The following ATL1 variants were observed in gnomAD, a reference collection of about 807,000 sequenced individuals.
ATL1 encodes atlastin GTPase 1.
A neutral mutation model predicts 75.5 loss-of-function variants in ATL1; 31 were observed. That is an observed-to-expected ratio of 0.41 (90% CI 0.31 to 0.55). ATL1 has a LOEUF of 0.55. ATL1 is among the 20% of genes least tolerant of loss of function. The probability of loss-of-function intolerance (pLI) is 0.27; values close to 1 mark genes in which losing one functional copy is unlikely to be tolerated. For synonymous variants in ATL1, 226 were observed against 233.3 expected, an observed-to-expected ratio of 0.97 and a Z score of 0.28; for missense variants, 405 against 662.6, an observed-to-expected ratio of 0.61 and a Z score of 4.27.
chr14:50,550,190 G>A (rs560408704), intron 1 of ATL1, among the ~76,000 whole-genome samples: 4 of 152,212 alleles, frequency 2.6e-5, no homozygotes, highest in Non-Finnish European at 5.9e-5. Flanking sequence ...GCATAGGCAA[G>A]GCTGGAAGCT....
intron 1 of ATL1, among the ~76,000 whole-genome samples, chr14:50,579,755 C>T (rs1445463758): frequency 6.6e-6 from 1 of 152,092 alleles, no homozygotes; most frequent in Non-Finnish European, 1.5e-5. Context: ...GAGAGCTGAT[C>T]GGGTACATCT....
rs1227223382 is a variant in ATL1, at chr14:50,620,640, C to G, written c.904C>G (p.Pro302Ala). The G allele has an allele frequency of 1.2e-6, 2 of 1,613,398 alleles. No individual in the cohort carries two copies. Among genetic ancestry groups the G allele is most frequent in the Admixed American group, 1.7e-5 (1 of 60,000 alleles). Residue 302 changes from proline to alanine, a missense_variant, in exon 9 of 14, where the codon CCT (proline) becomes GCT (alanine). This residue lies in a region of ATL1 where 56 missense variants were observed against 66.6 expected (regional missense o/e 0.84). Transcript: ENST00000358385. ...CATCAAAAACTTGAAAATACTGATT[C>G]CTTGGCTACTTAGTCCCGAGAGCCT... ...EFIKNLKILIPWLLSPESLDI... is the reference protein window; with the variant it reads ...EFIKNLKILIAWLLSPESLDI...
chr14:50,592,542 T>TAAA (rs35475571), intron 4 of ATL1, among the ~76,000 whole-genome samples: 86 of 149,242 alleles, frequency 5.8e-4, no homozygotes, highest in Non-Finnish European at 1.1e-3. Context: ...GTAAAAGTCA[T>TAAA]AAAAAAAAAA....
Position 50,613,329 on chromosome 14 carries a change from A to G in ATL1, c.701A>G (p.Lys234Arg), listed in dbSNP as rs371579681. 107 of 1,613,088 alleles carry G rather than the reference A, an allele frequency of 6.6e-5. No individual in the cohort carries two copies. The highest frequency in any genetic ancestry group is 8.6e-5 in the Non-Finnish European group (102 of 1,179,608). ...EFSYGADGGAKFLEKRLKVSG... is the reference protein window; with the variant it reads ...EFSYGADGGARFLEKRLKVSG... ...TCATATGGAGCCGATGGTGGTGCCA[A>G]ATTCTTGGAAAAACGCCTCAAGGTT... Residue 234 changes from lysine (K) to arginine (R), a missense_variant, in exon 7 of 14, where the codon AAA becomes AGA. Lys to Arg is a conservative substitution (Grantham distance 26). Coordinates refer to ENST00000358385, the MANE Select transcript of ATL1 (RefSeq NM_015915.5).
At chr14:50,555,835 C>T (rs929661684), upstream of ATL1, among the ~76,000 whole-genome samples, 4 of 152,020 alleles carry the variant, frequency 2.6e-5, no homozygotes, top group Non-Finnish European at 5.9e-5. Context: ...TTTGTGTTAC[C>T]GCCAAAAGCA....
chr14:50,625,427 T>C (rs1027186272), intron 11 of ATL1, among the ~76,000 whole-genome samples: 1 of 152,228 alleles, frequency 6.6e-6, no homozygotes, highest in African/African-American at 2.4e-5. Flanking sequence ...TTGATGAAGG[T>C]GGCCACGGTA....
intron 1 of ATL1, among the ~76,000 whole-genome samples, chr14:50,544,185 C>A (rs2038599040): frequency 6.6e-6 from 1 of 152,232 alleles, no homozygotes; most frequent in African/African-American, 2.4e-5. Context: ...GCACTAAGGA[C>A]TTGGATCCTC....
At chr14:50,599,408 A>G (rs2039250825) in intron 6 of ATL1, among the ~76,000 whole-genome samples, 1 of 152,204 alleles carries the variant, frequency 6.6e-6, no homozygotes, top group African/African-American at 2.4e-5. Flanking sequence ...TAGAACATGG[A>G]GATAATACCA....
chr14:50,566,765 T>A lies in ATL1; in HGVS notation c.34+6466T>A, dbSNP rs1222099804. Among the ~76,000 whole-genome samples the A allele has an allele frequency of 2.0e-5, 3 of 152,334 alleles. No individual in the cohort carries two copies. In the Middle Eastern group the frequency reaches 0.01, roughly 518 times the overall value. ...CTCTTTTACCACTTTTTGCATGACT[T>A]TGATCTCTATGGTGTATTTTAATAA... On this transcript the variant is annotated intron_variant, in intron 1 of 13. Transcript: ENST00000358385.
chr14:50,534,829 A>G (rs897348189), intron 1 of ATL1, among the ~76,000 whole-genome samples: 1 of 152,274 alleles, frequency 6.6e-6, no homozygotes, highest in Non-Finnish European at 1.5e-5. Flanking sequence ...AATTTTAACA[A>G]GATCAGTGAA....
intron 13 of ATL1, 150 bp from the exon 14 acceptor site, chr14:50,632,079 T>A: frequency 1.8e-6 from 1 of 545,228 alleles, no homozygotes; most frequent in Non-Finnish European, 3.3e-6. Context: ...AAAATACTTT[T>A]GAATTTTAAG....
intron 6 of ATL1, among the ~76,000 whole-genome samples, chr14:50,597,367 T>C (rs1227671517): frequency 6.6e-6 from 1 of 152,054 alleles, no homozygotes; most frequent in East Asian, 1.9e-4. Context: ...CCAAAGACTA[T>C]TTACAGTAGG....
At chr14:50,601,770 TA>T (rs1242721413) in intron 6 of ATL1, among the ~76,000 whole-genome samples, 6 of 152,220 alleles carry the variant, frequency 3.9e-5, no homozygotes, top group African/African-American at 1.4e-4. Flanking sequence ...TATCTATCTA[TA>T]AAATAACTAG....
At chr14:50,593,917 T>A in intron 5 of ATL1, 21 bp downstream of exon 5, 1 of 1,580,898 alleles carries the variant, frequency 6.3e-7, no homozygotes, top group Non-Finnish European at 8.7e-7. Flanking sequence ...TTATTTTCTT[T>A]TTTGTGTATC....
In ATL1 at chr14:50,628,226, A is replaced by G; in HGVS notation, c.1315A>G (p.Lys439Glu). ...CCAATATATCAAGCACAATGATAGC[A>G]AAAATATCTTCCATGCAGCTCGTAC... is the stretch of plus-strand genomic sequence containing the variant. ...YIQYIKHNDS[K>E]NIFHAARTPA... Residue 439 changes from lysine to glutamate, a missense_variant, in exon 12 of 14, where the codon AAA becomes GAA. Lys to Glu is a moderately conservative substitution (Grantham distance 56, BLOSUM62 1). Transcript: ENST00000358385. 1 of 1,614,226 alleles carries G rather than the reference A, an allele frequency of 6.2e-7. No homozygotes were observed. Among genetic ancestry groups the G allele is most frequent in the Non-Finnish European group, 8.5e-7 (1 of 1,180,044 alleles).
chr14:50,583,229 A>G (rs890238439), intron 1 of ATL1, among the ~76,000 whole-genome samples: 5 of 152,204 alleles, frequency 3.3e-5, no homozygotes, highest in African/African-American at 7.2e-5. Context: ...TGAATGTCTA[A>G]TAAGTTAAGA....
intron 1 of ATL1, among the ~76,000 whole-genome samples, chr14:50,541,876 G>A (rs578226107): frequency 1.3e-5 from 2 of 151,468 alleles, no homozygotes; most frequent in East Asian, 1.9e-4. Context: ...GTGCGGTGGC[G>A]AGTGCCTGTA....
intron 11 of ATL1, among the ~76,000 whole-genome samples, chr14:50,623,638 C>T (rs1272096818): frequency 6.6e-6 from 1 of 151,850 alleles, no homozygotes; most frequent in African/African-American, 2.4e-5. Context: ...AAACAAAAAC[C>T]CTAAGGGCCA....
rs764492146 is a variant in ATL1, at chr14:50,588,093, C to T, written c.282+15C>T. 5 of 1,613,850 alleles carry T rather than the reference C, an allele frequency of 3.1e-6. No individual in the cohort carries two copies. The Admixed American group carries it at 5.0e-5, about 16-fold the overall frequency. ...TGTACAACCAGGTATGCAGGAAGTA[C>T]TTTAAAAAGTTTTCTTTCTTCTGTG... On this transcript the variant is annotated intron_variant, in intron 2 of 13. Coordinates refer to ENST00000358385, the MANE Select transcript of ATL1 (RefSeq NM_015915.5).
Sources: gnomAD v4.1 joint callset for allele counts (sites outside exome capture counted in the v4.1 genomes callset) on GRCh38, gnomAD v4.1.1 for gene constraint, gnomAD v4.1.1 regional missense constraint, MANE v1.5 for transcripts, NCBI Gene and HGNC (gene_info 2026-07-23, HGNC 2026-07-21) for gene names.